Variants in TNIK observed in about 807,000 individuals in gnomAD.
TNIK encodes the protein TRAF2 and NCK-interacting protein kinase.
A neutral mutation model predicts 191.3 loss-of-function variants in TNIK; 49 were observed. The ratio of observed to expected loss-of-function variants is 0.26; its 90% CI spans 0.20 to 0.32. The LOEUF (loss-of-function observed/expected upper bound fraction) is 0.32, where lower values mean the gene tolerates loss of function less well. Ranked by LOEUF, TNIK falls within the 10% of genes least tolerant of loss-of-function variation. The pLI, the probability that TNIK is intolerant of heterozygous loss-of-function variation, is 1.00. For missense variants in TNIK, 1,155 were observed against 1,702.3 expected, an observed-to-expected ratio of 0.68 and a Z score of 5.66; for synonymous variants, 594 against 600.9, an observed-to-expected ratio of 0.99 and a Z score of 0.17.
rs143578845 is a variant in TNIK, at chr3:171,192,890, C to T, written c.417+1635G>A. 6.2e-4 allele frequency among the ~76,000 whole-genome samples: 95 copies of T among 152,304 alleles called. 1 individual carries two copies. The East Asian group carries it at 0.017, about 27-fold the overall frequency. ...TTATGTTCTGTTTAAGAACACAAAACATATAATTTATATTTTTGCCTATCC... is the reference window on the plus strand; with the variant it reads ...TTATGTTCTGTTTAAGAACACAAAATATATAATTTATATTTTTGCCTATCC... On this transcript the variant is annotated intron_variant, in intron 5 of 32. Transcript: ENST00000436636.
intron 15 of TNIK, among the ~76,000 whole-genome samples, chr3:171,135,982 C>A (rs910012647): frequency 6.6e-6 from 1 of 152,164 alleles, no homozygotes; most frequent in Non-Finnish European, 1.5e-5. Flanking sequence ...CAAATAGCAA[C>A]TGGAAAACAG....
intron 4 of TNIK, among the ~76,000 whole-genome samples, chr3:171,199,663 A>G (rs892991548): frequency 3.3e-5 from 5 of 152,176 alleles, no homozygotes; most frequent in African/African-American, 1.2e-4. Flanking sequence ...TCTCTCAATT[A>G]CTAGTTATGT....
intron 4 of TNIK, among the ~76,000 whole-genome samples, chr3:171,208,619 A>G (rs1740404066): frequency 1.3e-5 from 2 of 151,900 alleles, no homozygotes; most frequent in South Asian, 4.2e-4. Context: ...GTGCAGTGAC[A>G]CTATCTCGGC....
chr3:171,434,187 T>C (rs561419985), intron 1 of TNIK, among the ~76,000 whole-genome samples: 1 of 152,066 alleles, frequency 6.6e-6, no homozygotes, highest in Non-Finnish European at 1.5e-5. Flanking sequence ...CTGCCTGCCT[T>C]GGCCTCCCAA....
intron 2 of TNIK, among the ~76,000 whole-genome samples, chr3:171,244,956 A>T (rs1052724154): frequency 3.3e-5 from 5 of 152,130 alleles, no homozygotes; most frequent in African/African-American, 1.2e-4. Flanking sequence ...ACTGAAAAAG[A>T]TTTGTATAAA....
At chr3:171,285,934 C>T (rs1458677044) in intron 2 of TNIK, among the ~76,000 whole-genome samples, 3 of 152,286 alleles carry the variant, frequency 2.0e-5, no homozygotes, top group South Asian at 4.1e-4. Context: ...GGCAAATTGG[C>T]TATTCTGGAA....
chr3:171,175,417 C>T (rs1217246625), intron 8 of TNIK, 87 bp from the exon 9 acceptor site: 9 of 1,072,494 alleles, frequency 8.4e-6, no homozygotes, highest in Non-Finnish European at 1.1e-5. Flanking sequence ...AATGGCTGCC[C>T]AATGACCCAC....
At position 171,460,246 on chromosome 3, in the gene TNIK, C is replaced by G. The variant is rs1038221766; in HGVS notation, c.-183G>C. 1 of 748,990 alleles carries G rather than the reference C, an allele frequency of 1.3e-6. No homozygotes were observed. Among genetic ancestry groups the G allele is most frequent in the Non-Finnish European group, 2.2e-6 (1 of 462,324 alleles). The allele number at this position is 748,990 out of a possible 1,614,324, so 46.4% of individuals were successfully genotyped here. On this transcript the variant is annotated 5_prime_UTR_variant, in exon 1 of 33. Transcript: ENST00000436636. This position sits in a 1 kb window ranked among gnomAD's most constrained non-coding sequence, Gnocchi z 6.8. Reference sequence around the variant, plus strand: ...CCCGATCCTCCGCGCGTCGGTCCGCCGGGTCCGGGAGCCCAGCCTGCGCGG... The same window carrying G: ...CCCGATCCTCCGCGCGTCGGTCCGCGGGGTCCGGGAGCCCAGCCTGCGCGG...
In TNIK at chr3:171,123,712, A is replaced by T; in HGVS notation, c.2014-10T>A. ...TTGTTCTTTGAGGCACCTGGAAGAA[A>T]CCAGAATTCAGAAATATTTTCCATA... On this transcript the variant is annotated splice_polypyrimidine_tract_variant and intron_variant, in intron 17 of 32. Transcript: ENST00000436636. The T allele has an allele frequency of 6.5e-7, 1 of 1,549,218 alleles. No homozygotes were observed. The highest frequency in any genetic ancestry group is 8.7e-7 in the Non-Finnish European group (1 of 1,145,452).
At chr3:171,386,354 T>C (rs1181393510) in intron 1 of TNIK, among the ~76,000 whole-genome samples, 1 of 152,218 alleles carries the variant, frequency 6.6e-6, no homozygotes, top group Non-Finnish European at 1.5e-5. Context: ...CTATTTTCCA[T>C]AAAAACTTTG....
At chr3:171,281,345 A>C (rs111486057) in intron 2 of TNIK, among the ~76,000 whole-genome samples, 35 of 152,188 alleles carry the variant, frequency 2.3e-4, no homozygotes, top group African/African-American at 8.2e-4. Context: ...ATGAGACCAC[A>C]ATTTTTCAAC....
intron 1 of TNIK, among the ~76,000 whole-genome samples, chr3:171,456,972 G>A (rs1040222888): frequency 2.6e-5 from 4 of 152,128 alleles, no homozygotes; most frequent in Non-Finnish European, 5.9e-5. Flanking sequence ...CTTACTTCAC[G>A]CCTCTGGGCT....
intron 2 of TNIK, among the ~76,000 whole-genome samples, chr3:171,305,916 A>G (rs1356370828): frequency 1.3e-5 from 2 of 152,190 alleles, no homozygotes; most frequent in Admixed American, 6.6e-5. Flanking sequence ...ACATGCATGC[A>G]TATGTTCACT....
intron 1 of TNIK, among the ~76,000 whole-genome samples, chr3:171,373,045 C>T (rs540643612): frequency 6.2e-4 from 95 of 152,260 alleles, no homozygotes; most frequent in African/African-American, 2.2e-3. Context: ...GCCTGGAGAG[C>T]TGAATGTTTG....
At chr3:171,150,554 G>A (rs1395787875) in intron 12 of TNIK, among the ~76,000 whole-genome samples, 2 of 152,184 alleles carry the variant, frequency 1.3e-5, no homozygotes, top group Admixed American at 6.5e-5. Flanking sequence ...CAGCCACTTG[G>A]TGGCAATGAT....
At chr3:171,123,740 G>A in intron 17 of TNIK, 38 bp from the exon 18 acceptor site, 1 of 1,510,352 alleles carries the variant, frequency 6.6e-7, no homozygotes, top group Non-Finnish European at 9.0e-7. Flanking sequence ...TTTCCATAAA[G>A]TAGCTTCCAT....
At chr3:171,308,285 C>T (rs1343727777) in intron 2 of TNIK, among the ~76,000 whole-genome samples, 5 of 151,982 alleles carry the variant, frequency 3.3e-5, no homozygotes, top group Non-Finnish European at 7.4e-5. Context: ...CCTACAACCA[C>T]CTGATCTTTG....
intron 4 of TNIK, among the ~76,000 whole-genome samples, chr3:171,205,398 T>G (rs112635378): frequency 0.012 from 1,754 of 152,350 alleles, 17 homozygotes; most frequent in Non-Finnish European, 0.019. Context: ...GACGCGAGTC[T>G]GACGAGTGCT....
Position 171,319,103 on chromosome 3 carries a change from C to T in TNIK, c.123+50517G>A, listed in dbSNP as rs1979684. Among the ~76,000 whole-genome samples the T allele has an allele frequency of 9.9e-3, 1,502 of 152,154 alleles. 13 individuals carry two copies. Among genetic ancestry groups the T allele is most frequent in the Admixed American group, 0.016 (237 of 15,262 alleles). ...CTAAAATGGGAAGATTTCTGGAGCCCGGGATTTCGAAGCTGCCGTGAGCTT... is the reference window on the plus strand; with the variant it reads ...CTAAAATGGGAAGATTTCTGGAGCCTGGGATTTCGAAGCTGCCGTGAGCTT... On this transcript the variant is annotated intron_variant, in intron 2 of 32. Coordinates refer to ENST00000436636, the MANE Select transcript of TNIK (RefSeq NM_015028.4).
Sources: allele counts gnomAD v4.1 joint callset (sites outside exome capture counted in the v4.1 genomes callset), GRCh38; gene constraint gnomAD v4.1.1; non-coding constraint Gnocchi (gnomAD v3.1); transcripts MANE v1.5; gene names NCBI Gene and HGNC (gene_info 2026-07-23, HGNC 2026-07-21).